PCDHGB3: variants seen among roughly 807,000 people sequenced by gnomAD.
PCDHGB3 encodes protocadherin gamma subfamily B, 3.
In PCDHGB3, 40 loss-of-function variants were observed where a neutral mutation model predicts 59.2. The observed-to-expected ratio is 0.68, with a 90% CI of 0.52 to 0.88. PCDHGB3 has a LOEUF of 0.88. Among genes scored for constraint, PCDHGB3 ranks in the 40% least tolerant of loss-of-function variants. The probability of loss-of-function intolerance (pLI) is 0.00; values close to 1 mark genes in which losing one functional copy is unlikely to be tolerated. For missense variants in PCDHGB3, 1,309 were observed against 1,187.9 expected (o/e 1.10, Z -1.50); for synonymous variants, 581 against 503.6 (o/e 1.15, Z -2.06).
intron 1 of PCDHGB3, chr5:141,417,959 C>A (rs759279387): frequency 5.0e-6 from 8 of 1,613,734 alleles, no homozygotes; most frequent in Non-Finnish European, 6.8e-6. Context: ...TGAGCCGATC[C>A]GCTACTCGAT....
At chr5:141,414,394 A>G in intron 1 of PCDHGB3, 1 of 1,613,930 alleles carries the variant, frequency 6.2e-7, no homozygotes, top group Non-Finnish European at 8.5e-7. Flanking sequence ...CAGTTATTAC[A>G]GATTGGTGAT....
At chr5:141,458,413 G>A (rs138479316) in intron 1 of PCDHGB3, among the ~76,000 whole-genome samples, 1 of 152,196 alleles carries the variant, frequency 6.6e-6, no homozygotes, top group East Asian at 1.9e-4. Context: ...CGGAGCGGGG[G>A]TTCCAAAGCT....
rs1408938686 is a variant in PCDHGB3 at position 141,398,777 on chromosome 5, G to A, written c.2415+25968G>A. On this transcript the variant is annotated intron_variant, in intron 1 of 3. Transcript: ENST00000576222. ...CGTTTAGTCCTGACTGCCTTGGACG[G>A]TGGACATCCACCCCTAAGCGGCACC... is the stretch of plus-strand genomic sequence containing the variant. The A allele has an allele frequency of 3.1e-6, 5 of 1,613,902 alleles. 1 individual carries two copies. The South Asian group carries it at 3.3e-5, about 11-fold the overall frequency.
intron 1 of PCDHGB3, chr5:141,400,422 TA>T: frequency 6.2e-7 from 1 of 1,614,054 alleles, no homozygotes; most frequent in Non-Finnish European, 8.5e-7. Context: ...TCCTAAAATG[TA>T]GTGAGCAATT....
At chr5:141,446,642 A>T (rs939365233) in intron 1 of PCDHGB3, among the ~76,000 whole-genome samples, 2 of 151,970 alleles carry the variant, frequency 1.3e-5, no homozygotes, top group Admixed American at 1.3e-4. Flanking sequence ...ACGCCTGGCT[A>T]ATTTTTGTAT....
intron 1 of PCDHGB3, chr5:141,419,788 A>G (rs750179874): frequency 6.2e-7 from 1 of 1,614,054 alleles, no homozygotes; most frequent in Non-Finnish European, 8.5e-7. Context: ...AGCGCCTGCT[A>G]GTCGCTGTAA....
chr5:141,457,335 A>G (rs2098917073), intron 1 of PCDHGB3, among the ~76,000 whole-genome samples: 1 of 152,172 alleles, frequency 6.6e-6, no homozygotes, highest in Admixed American at 6.5e-5. Flanking sequence ...CAGGTACCTT[A>G]CTTACTTTCA....
At chr5:141,423,463 G>T (rs772779471) in intron 1 of PCDHGB3, 22 of 1,613,992 alleles carry the variant, frequency 1.4e-5, no homozygotes, top group Non-Finnish European at 1.8e-5. Context: ...AGGCGTGGAC[G>T]GGGTACAGGC....
At chr5:141,404,147 G>C in intron 1 of PCDHGB3, 1 of 1,612,990 alleles carries the variant, frequency 6.2e-7, no homozygotes, top group African/African-American at 1.3e-5. Context: ...AAATTCAGAA[G>C]AAGATTATTA....
chr5:141,375,769 C>T, intron 1 of PCDHGB3: 1 of 1,614,238 alleles, frequency 6.2e-7, no homozygotes, highest in Non-Finnish European at 8.5e-7. Flanking sequence ...CGCCCGAGAT[C>T]CTGTACCCCG....
At chr5:141,456,149 G>A (rs377506220) in intron 1 of PCDHGB3, among the ~76,000 whole-genome samples, 1 of 151,866 alleles carries the variant, frequency 6.6e-6, no homozygotes, top group East Asian at 1.9e-4. Flanking sequence ...CGCCCGCCTC[G>A]GCCTCCTAAA....
intron 2 of PCDHGB3, among the ~76,000 whole-genome samples, chr5:141,504,238 G>A (rs1043662594): frequency 2.0e-5 from 3 of 152,228 alleles, no homozygotes; most frequent in African/African-American, 7.2e-5. Flanking sequence ...CTAAGAAGCA[G>A]AGAGTTCTTC....
intron 1 of PCDHGB3, chr5:141,478,781 A>G: frequency 6.7e-7 from 1 of 1,485,388 alleles, no homozygotes; most frequent in Non-Finnish European, 9.0e-7. Flanking sequence ...TGTGGACCTA[A>G]TTCACATCCT....
intron 1 of PCDHGB3, chr5:141,413,678 T>G (rs201325660): frequency 5.6e-6 from 9 of 1,613,632 alleles, no homozygotes; most frequent in Non-Finnish European, 7.6e-6. Flanking sequence ...GATGTGGGCG[T>G]GAACTCCCTG....
At chr5:141,403,251 C>G (rs1276332038) in intron 1 of PCDHGB3, 41 of 1,613,756 alleles carry the variant, frequency 2.5e-5, no homozygotes, top group Non-Finnish European at 3.4e-5. Context: ...GCTCAGAGCC[C>G]GCGGTGTCTG....
chr5:141,371,077 T>G lies in PCDHGB3; in HGVS notation c.683T>G (p.Ile228Ser), dbSNP rs1169560992. 8.1e-6 allele frequency: 13 copies of G among 1,613,784 alleles called. No homozygotes were observed. Among genetic ancestry groups the G allele is most frequent in the Admixed American group, 1.7e-5 (1 of 60,010 alleles). Residue 228 changes from isoleucine to serine, a missense_variant, in exon 1 of 4, where the codon ATC becomes AGC. By Grantham distance (142) the Ile-to-Ser change is moderately radical. Transcript: ENST00000576222. The stretch of plus-strand genomic sequence containing the variant: ...CCCTCCAGAAGCTGTACCACCCAGA[T>G]CAGGGTAATTGTCGCAGATGCAAAT... ...GEPSRSCTTQ[I>S]RVIVADANDN... is the part of the protein sequence containing the mutation.
intron 1 of PCDHGB3, chr5:141,410,815 T>C: frequency 1.8e-6 from 1 of 553,722 alleles, no homozygotes; most frequent in Non-Finnish European, 2.9e-6. Context: ...TTTTGTAAAA[T>C]AATGTCACCA....
chr5:141,393,534 G>T, intron 1 of PCDHGB3: 1 of 1,613,928 alleles, frequency 6.2e-7, no homozygotes, highest in Non-Finnish European at 8.5e-7. Context: ...CAATGCCCCG[G>T]TTTTTCCTCA....
chr5:141,419,300 T>G (rs2096356436), intron 1 of PCDHGB3: 3 of 1,613,998 alleles, frequency 1.9e-6, no homozygotes, highest in Non-Finnish European at 2.5e-6. Context: ...TGACCCAGAC[T>G]TCGGGCTCAA....
Sources: allele counts gnomAD v4.1 joint callset (sites outside exome capture counted in the v4.1 genomes callset), GRCh38; gene constraint gnomAD v4.1.1; transcripts MANE v1.5; gene names NCBI Gene and HGNC (gene_info 2026-07-23, HGNC 2026-07-21).